The following F8 variants were observed in gnomAD, a reference collection of about 807,000 sequenced individuals.
The protein encoded by F8 is coagulation factor VIII.
In F8, 12 loss-of-function variants were observed where a neutral mutation model predicts 140.6. That is an observed-to-expected ratio of 0.09 (90% confidence interval 0.05 to 0.14). The LOEUF (loss-of-function observed/expected upper bound fraction) is 0.14. Ranked by LOEUF, F8 falls within the 10% of genes least tolerant of loss-of-function variation. The pLI is 1.00. For missense variants in F8, 1,354 were observed against 1,720.7 expected, an observed-to-expected ratio of 0.79 and a Z score of 3.77; for synonymous variants, 585 against 614.6, an observed-to-expected ratio of 0.95 and a Z score of 0.71.
intron 14 of F8, among the ~76,000 whole-genome samples, chrX:154,914,218 C>T (rs1300142343): frequency 8.9e-6 from 1 of 112,822 alleles, no homozygotes; most frequent in Non-Finnish European, 1.9e-5. Context: ...CCAGGCTGAA[C>T]ACTGCAGGGG....
intron 13 of F8, among the ~76,000 whole-genome samples, chrX:154,938,783 C>G (rs182933265): frequency 4.6e-4 from 50 of 109,633 alleles, no homozygotes; most frequent in African/African-American, 1.6e-3. Flanking sequence ...CTAGCCAACA[C>G]ACACTGAAGG....
chrX:154,931,276 A>G lies in F8; in HGVS notation c.2514T>C (p.Asp838=). ...QEAKYETFSD[D]PSPGAIDSNN... is the part of the protein sequence containing the mutation. ...TACTGTCTATTGCTCCAGGTGATGG[A>G]TCATCAGAAAAAGTCTCATATTTGG... is the stretch of plus-strand genomic sequence containing the variant. The change falls in exon 14 of 26, where the codon GAT becomes GAC. Residue 838 remains aspartate (D), a synonymous_variant. Coordinates refer to ENST00000360256, the MANE Select transcript of F8 (RefSeq NM_000132.4). 2 of 1,211,326 alleles carry G rather than the reference A, an allele frequency of 1.7e-6. No individual in the cohort carries two copies. Among genetic ancestry groups the G allele is most frequent in the Non-Finnish European group, 2.2e-6 (2 of 895,279 alleles).
chrX:154,858,756 G>A (rs1303786491), intron 25 of F8, among the ~76,000 whole-genome samples: 1 of 112,245 alleles, frequency 8.9e-6, no homozygotes, highest in African/African-American at 3.2e-5. Flanking sequence ...GCCAAGTTTT[G>A]TTATATCATG....
rs1557271011 is a variant in F8 at position 154,837,540 on chromosome X, GC to G, written c.*56del. 7 of 1,150,806 alleles carry G rather than the reference GC, an allele frequency of 6.1e-6. No homozygotes were observed. The highest frequency in any genetic ancestry group is 2.5e-5 in the Admixed American group (1 of 39,979). 94.8% of individuals were successfully genotyped at this position (1,150,806 alleles called of 1,213,427 possible). On this transcript the variant is annotated 3_prime_UTR_variant, in exon 26 of 26. Coordinates refer to ENST00000360256, the MANE Select transcript of F8 (RefSeq NM_000132.4). ...AGAAGGCAAGCCAGGGAGGGACACT[GC>G]CCTGGAGCTGAGGAGGGAGAGGTGA...
At chrX:154,848,588 G>T (rs782335904) in intron 25 of F8, among the ~76,000 whole-genome samples, 123 of 112,503 alleles carry the variant, frequency 1.1e-3, no homozygotes, top group African/African-American at 2.3e-3. Context: ...CTCTGAGCCA[G>T]GTGCAGGATA....
At chrX:154,944,456 A>C (rs1292470458) in intron 13 of F8, among the ~76,000 whole-genome samples, 1 of 111,683 alleles carries the variant, frequency 9.0e-6, no homozygotes, top group African/African-American at 3.3e-5. Context: ...AATGCAAATC[A>C]AAACCACAGT....
intron 25 of F8, among the ~76,000 whole-genome samples, chrX:154,839,210 T>C (rs1557271171): frequency 9.1e-6 from 1 of 109,399 alleles, no homozygotes; most frequent in East Asian, 3.0e-4. Context: ...TCCATGTTTT[T>C]TACCCTTCGG....
chrX:154,936,064 T>A (rs1188071074), intron 13 of F8, among the ~76,000 whole-genome samples: 1 of 109,031 alleles, frequency 9.2e-6, no homozygotes, highest in East Asian at 2.9e-4. Context: ...CAGATTTTTT[T>A]AAAAAGATAC....
chrX:154,978,033 C>T (rs1003268535), intron 6 of F8, among the ~76,000 whole-genome samples: 13 of 109,087 alleles, frequency 1.2e-4, no homozygotes, highest in Admixed American at 9.9e-4. Flanking sequence ...CTGCTTGGTC[C>T]GGTCTATTGT....
At chrX:155,019,448 G>A in intron 1 of F8, among the ~76,000 whole-genome samples, 1 of 111,253 alleles carries the variant, frequency 9.0e-6, no homozygotes, top group Non-Finnish European at 1.9e-5. Flanking sequence ...AGACTTTAGG[G>A]TAAAATTACT....
Position 154,929,119 on chromosome X carries a change from T to C in F8, c.4671A>G (p.Ala1557=), listed in dbSNP as rs1462850883. The C allele has an allele frequency of 8.3e-6, 10 of 1,211,728 alleles. No homozygotes were observed. The highest frequency in any genetic ancestry group is 1.1e-5 in the Non-Finnish European group (10 of 895,525). Residue 1557 remains alanine, a synonymous_variant, in exon 14 of 26, where the codon GCA becomes GCG. Coordinates refer to ENST00000360256, the MANE Select transcript of F8 (RefSeq NM_000132.4). ...GTEGAIKWNE[A]NRPGKVPFLR... is the part of the protein sequence containing the mutation. ...GAAAGGGAACTTTTCCAGGTCTGTT[T>C]GCTTCATTCCACTTAATCGCTCCCT...
intron 11 of F8, among the ~76,000 whole-genome samples, chrX:154,954,904 T>G: frequency 9.0e-6 from 1 of 111,622 alleles, no homozygotes; most frequent in East Asian, 2.8e-4. Flanking sequence ...TATACTTTAC[T>G]CTCTAAACAT....
rs1202575886 is a variant in F8 at position 154,991,853 on chromosome X, G to T, written c.601+1083C>A. Among the ~76,000 whole-genome samples the T allele has an allele frequency of 2.7e-5, 3 of 111,803 alleles. No homozygotes were observed. In the Admixed American group the frequency reaches 2.8e-4, roughly 11 times the overall value. ...CATCATCACCATTCAGAAAGAGTATGGTGATTCCTGTTAATAAATTCTTTG... is the reference window on the plus strand; with the variant it reads ...CATCATCACCATTCAGAAAGAGTATTGTGATTCCTGTTAATAAATTCTTTG... On this transcript the variant is annotated intron_variant, in intron 4 of 25. Coordinates refer to ENST00000360256, the MANE Select transcript of F8 (RefSeq NM_000132.4).
In F8 at chrX:155,009,124, C is replaced by T. The variant is rs782041463; in HGVS notation, c.144-9524G>A. Among the ~76,000 whole-genome samples, 9 of 107,727 alleles carry T rather than the reference C, an allele frequency of 8.4e-5. 1 individual carries two copies. Among genetic ancestry groups the T allele is most frequent in the Admixed American group, 7.8e-4 (8 of 10,311 alleles). The allele number at this position is 107,727 out of a possible 115,157, so 93.5% of individuals were successfully genotyped here. A position where few individuals can be genotyped will look rare whatever the true frequency, so the allele number is the denominator to read the frequency against. ...TTGAGACGGAGTCTCGCTCTGTCGC[C>T]CAGGCCGGACTGCGGACTGCAGTGG... On this transcript the variant is annotated intron_variant, in intron 1 of 25. Coordinates refer to ENST00000360256, the MANE Select transcript of F8 (RefSeq NM_000132.4).
At chrX:154,911,243 C>G (rs2062897076) in intron 14 of F8, among the ~76,000 whole-genome samples, 1 of 108,277 alleles carries the variant, frequency 9.2e-6, no homozygotes, top group Non-Finnish European at 1.9e-5. Flanking sequence ...TTTTCTCAGT[C>G]TCTCGTCCCA....
Position 154,946,076 on chromosome X carries a change from G to A in F8, c.2113+1622C>T, listed in dbSNP as rs782312481. 2.7e-5 allele frequency among the ~76,000 whole-genome samples: 3 copies of A among 111,777 alleles called. No individual in the cohort carries two copies. The South Asian group carries it at 1.1e-3, about 41-fold the overall frequency. On this transcript the variant is annotated intron_variant, in intron 13 of 25. Transcript: ENST00000360256. ...ATGAAAACTAAAATACTGATAAAGG[G>A]AATTGAAGAACACACAAAAAACTGA...
intron 9 of F8, chrX:154,965,686 G>T: frequency 3.4e-6 from 1 of 292,949 alleles, no homozygotes; most frequent in Non-Finnish European, 6.0e-6. Flanking sequence ...GCCATAGTCT[G>T]CTGACTCCTA....
At chrX:154,842,752 A>C (rs1165303456) in intron 25 of F8, among the ~76,000 whole-genome samples, 2 of 112,281 alleles carry the variant, frequency 1.8e-5, no homozygotes, top group Non-Finnish European at 3.8e-5. Context: ...GGAAAATTCT[A>C]ACATGTTTCC....
chrX:155,015,369 A>C (rs1385216249), intron 1 of F8, among the ~76,000 whole-genome samples: 1 of 112,145 alleles, frequency 8.9e-6, no homozygotes, highest in East Asian at 2.8e-4. Context: ...TACAACTATA[A>C]ATTTCCACTA....
Sources: gnomAD v4.1 joint callset for allele counts (sites outside exome capture counted in the v4.1 genomes callset) on GRCh38, gnomAD v4.1.1 for gene constraint, MANE v1.5 for transcripts, NCBI Gene and HGNC (gene_info 2026-07-23, HGNC 2026-07-21) for gene names.